Variants in DNAH3 observed in about 807,000 individuals in gnomAD.
The protein encoded by DNAH3 is axonemal beta dynein heavy chain 3.
DNAH3 carries 332 observed loss-of-function variants against 432.5 expected under a neutral mutation model. That is an observed-to-expected ratio of 0.77 (90% CI 0.70 to 0.84). DNAH3 has a LOEUF of 0.84. Ranked by LOEUF, DNAH3 falls within the 40% of genes least tolerant of loss-of-function variation. DNAH3 has a pLI of 0.00. For missense variants in DNAH3, 4,861 were observed against 5,114.0 expected, an observed-to-expected ratio of 0.95 and a Z score of 1.51; for synonymous variants, 1,956 against 1,900.2, an observed-to-expected ratio of 1.03 and a Z score of -0.76.
chr16:21,109,667 A>AT, intron 14 of DNAH3, among the ~76,000 whole-genome samples: 1 of 151,704 alleles, frequency 6.6e-6, no homozygotes, highest in South Asian at 2.1e-4. Flanking sequence ...CGCCTCAATC[A>AT]TAACTCACTG....
intron 32 of DNAH3, among the ~76,000 whole-genome samples, chr16:21,041,739 G>A (rs116277833): frequency 0.027 from 4,121 of 152,062 alleles, 198 homozygotes; most frequent in African/African-American, 0.093. Context: ...CGCTATCTCC[G>A]GCCACCACAA....
At chr16:21,012,870 T>A (rs1395415004) in intron 41 of DNAH3, among the ~76,000 whole-genome samples, 1 of 152,064 alleles carries the variant, frequency 6.6e-6, no homozygotes, top group African/African-American at 2.4e-5. Flanking sequence ...CAAGCAATCA[T>A]CCCGCCTCAG....
At chr16:21,056,938 G>A (rs545444167) in intron 27 of DNAH3, among the ~76,000 whole-genome samples, 2 of 152,318 alleles carry the variant, frequency 1.3e-5, no homozygotes, top group African/African-American at 4.8e-5. Context: ...TATGGAATCT[G>A]TATAAGTTTA....
intron 44 of DNAH3, among the ~76,000 whole-genome samples, chr16:20,991,679 A>G (rs933459955): frequency 1.3e-5 from 2 of 152,156 alleles, no homozygotes; most frequent in African/African-American, 4.8e-5. Context: ...TTTCACAGTC[A>G]GGATTTTGTT....
At chr16:20,941,152 C>T (rs2083791937) in intron 59 of DNAH3, among the ~76,000 whole-genome samples, 1 of 152,064 alleles carries the variant, frequency 6.6e-6, no homozygotes, top group African/African-American at 2.4e-5. Context: ...TTAGCCTGTG[C>T]TTGATACTGG....
intron 26 of DNAH3, among the ~76,000 whole-genome samples, chr16:21,059,788 AAAG>A (rs1003143642): frequency 2.0e-5 from 3 of 151,972 alleles, no homozygotes; most frequent in African/African-American, 4.8e-5. Context: ...AAAAAAAAAA[AAAG>A]AAGAAAGAGA....
chr16:21,145,923 G>T, intron 2 of DNAH3, 61 bp downstream of exon 3: 1 of 1,053,048 alleles, frequency 9.5e-7, no homozygotes, highest in Non-Finnish European at 1.5e-6. Flanking sequence ...ACGGAGAGAA[G>T]TGGGGGATGC....
intron 39 of DNAH3, among the ~76,000 whole-genome samples, chr16:21,024,333 G>A (rs1445555500): frequency 6.6e-6 from 1 of 152,172 alleles, no homozygotes; most frequent in African/African-American, 2.4e-5. Flanking sequence ...TCAGCACTGG[G>A]ATTCTCCACT....
At chr16:21,098,631 C>T (rs376343061) in exon 17 of DNAH3, 223 of 1,612,486 alleles carry the variant, frequency 1.4e-4, no homozygotes, top group Middle Eastern at 1.6e-4. Context: ...ACTCTGCAAA[C>T]GCCCGATTTA....
intron 44 of DNAH3, among the ~76,000 whole-genome samples, chr16:20,988,656 C>CT (rs527631932): frequency 6.6e-5 from 10 of 152,326 alleles, no homozygotes; most frequent in South Asian, 2.1e-4. Flanking sequence ...GTAAAAGAGT[C>CT]TATCAATTCA....
intron 1 of DNAH3, among the ~76,000 whole-genome samples, chr16:21,156,206 T>C (rs889478764): frequency 1.4e-5 from 2 of 141,564 alleles, no homozygotes; most frequent in Non-Finnish European, 3.0e-5. Flanking sequence ...TTTTATTTAT[T>C]TTATTTTATT....
exon 53 of DNAH3, chr16:20,964,666 G>A: frequency 2.5e-6 from 4 of 1,614,162 alleles, no homozygotes; most frequent in South Asian, 2.2e-5. Context: ...TCTGGAATTG[G>A]ATACAATGAT....
At chr16:20,972,739 A>ATTTTTTTTT (rs34245316) in intron 51 of DNAH3, among the ~76,000 whole-genome samples, 2 of 95,976 alleles carry the variant, frequency 2.1e-5, no homozygotes, top group African/African-American at 4.6e-5. Context: ...ATGCCCCGTG[A>ATTTTTTTTT]TTTTTTTTTT....
chr16:21,004,698 T>TCTCC (rs1214237180), intron 41 of DNAH3, among the ~76,000 whole-genome samples: 1 of 151,660 alleles, frequency 6.6e-6, no homozygotes, highest in African/African-American at 2.4e-5. Flanking sequence ...CTTCCCTTTC[T>TCTCC]CTCCCTCCAT....
intron 58 of DNAH3, among the ~76,000 whole-genome samples, chr16:20,943,009 G>A (rs767399433): frequency 6.6e-6 from 1 of 151,740 alleles, no homozygotes; most frequent in Admixed American, 6.6e-5. Flanking sequence ...CTGCAGCCTC[G>A]ACCTCCTGGG....
At chr16:21,053,247 A>C (rs1458174820) in intron 28 of DNAH3, among the ~76,000 whole-genome samples, 1 of 152,134 alleles carries the variant, frequency 6.6e-6, no homozygotes, top group Non-Finnish European at 1.5e-5. Context: ...AGAAGATTAT[A>C]TCCACAGCTT....
chr16:21,025,602 T>C (rs1371714764), intron 38 of DNAH3, among the ~76,000 whole-genome samples: 1 of 151,252 alleles, frequency 6.6e-6, no homozygotes, highest in Non-Finnish European at 1.5e-5. Context: ...TGCTAAGGTT[T>C]TGTCCTTAAT....
At position 21,032,013 on chromosome 16, in the gene DNAH3, C is replaced by T. The variant is rs150890163; in HGVS notation, c.5198-727G>A. ...CCATGCCACTGCACTCCAGCCTGGG[C>T]GACAGAGTAAGACTCTGTCTCGAAA... On this transcript the variant is annotated intron_variant, in intron 36 of 61. Coordinates refer to ENST00000261383, the Ensembl canonical transcript of DNAH3. Among the ~76,000 whole-genome samples the T allele has an allele frequency of 6.5e-3, 957 of 147,634 alleles. 10 individuals carry two copies. Among genetic ancestry groups the T allele is most frequent in the South Asian group, 0.055 (254 of 4,586 alleles).
chr16:21,136,780 G>A (rs1053962213), intron 5 of DNAH3, among the ~76,000 whole-genome samples: 1 of 152,102 alleles, frequency 6.6e-6, no homozygotes, highest in African/African-American at 2.4e-5. Flanking sequence ...CACCCAGATA[G>A]GAACAGTGGA....
Sources: gnomAD v4.1 joint callset for allele counts (sites outside exome capture counted in the v4.1 genomes callset) on GRCh38, gnomAD v4.1.1 for gene constraint, MANE v1.5 for transcripts, NCBI Gene and HGNC (gene_info 2026-07-23, HGNC 2026-07-21) for gene names.